IPO8: variants seen among roughly 807,000 people sequenced by gnomAD.
The protein encoded by IPO8 is importin 8, also known as importin-8.
Under a neutral mutation model 141.2 loss-of-function variants are expected in IPO8, and 65 were observed. The observed-to-expected ratio is 0.46, with a 90% CI of 0.38 to 0.57. The LOEUF is 0.57. Ranked by LOEUF, IPO8 falls within the 20% of genes least tolerant of loss-of-function variation. The pLI, the probability that IPO8 is intolerant of heterozygous loss-of-function variation, is 0.00. For synonymous variants in IPO8, 411 were observed against 420.3 expected, an observed-to-expected ratio of 0.98 and a Z score of 0.27; for missense variants, 980 against 1,246.8, an observed-to-expected ratio of 0.79 and a Z score of 3.22.
At chr12:30,664,128 A>G (rs2052927870) in intron 13 of IPO8, among the ~76,000 whole-genome samples, 1 of 152,190 alleles carries the variant, frequency 6.6e-6, no homozygotes. Flanking sequence ...CTATTAGACC[A>G]CAGAATCATT....
At chr12:30,669,678 G>GT (rs1369927698) in intron 9 of IPO8, among the ~76,000 whole-genome samples, 1 of 151,556 alleles carries the variant, frequency 6.6e-6, no homozygotes, top group Non-Finnish European at 1.5e-5. Flanking sequence ...ATCTTGGAGG[G>GT]TCTCTTGAGC....
Position 30,630,453 on chromosome 12 carries a change from T to G in IPO8, c.*407A>C, listed in dbSNP as rs950475635. The stretch of plus-strand genomic sequence containing the variant: ...ATATGTTTTATGCTTTAAAAAAAAT[T>G]GCAATGCACTCCAAAAATTTTTTTC... On this transcript the variant is annotated 3_prime_UTR_variant, in exon 25 of 25. Coordinates refer to ENST00000256079, the MANE Select transcript of IPO8 (RefSeq NM_006390.4). 5.4e-5 allele frequency: 9 copies of G among 165,166 alleles called. No homozygotes were observed. The highest frequency in any genetic ancestry group is 1.2e-4 in the Non-Finnish European group (9 of 77,308). The allele number at this position is 165,166 out of a possible 1,614,324, so 10.2% of individuals were successfully genotyped here.
At chr12:30,648,855 C>T (rs2052684730) in intron 20 of IPO8, among the ~76,000 whole-genome samples, 1 of 152,004 alleles carries the variant, frequency 6.6e-6, no homozygotes, top group Non-Finnish European at 1.5e-5. Flanking sequence ...CATGAAATCT[C>T]TGAGACTCCA....
At chr12:30,692,307 A>G (rs886971638) in intron 1 of IPO8, among the ~76,000 whole-genome samples, 1 of 152,230 alleles carries the variant, frequency 6.6e-6, no homozygotes, top group Non-Finnish European at 1.5e-5. Flanking sequence ...GCCATTGTAC[A>G]GATTTTGAAA....
chr12:30,635,136 T>C (rs1231269944), intron 22 of IPO8, among the ~76,000 whole-genome samples: 1 of 152,208 alleles, frequency 6.6e-6, no homozygotes. Flanking sequence ...AAGTAGAGAA[T>C]AGAATGGTGG....
At chr12:30,667,682 A>C (rs1168193442) in intron 10 of IPO8, among the ~76,000 whole-genome samples, 1 of 152,244 alleles carries the variant, frequency 6.6e-6, no homozygotes, top group Non-Finnish European at 1.5e-5. Context: ...GTCAGTCTTG[A>C]GTTACCCATA....
intron 5 of IPO8, among the ~76,000 whole-genome samples, chr12:30,677,720 A>C (rs1361234467): frequency 6.6e-6 from 1 of 152,236 alleles, no homozygotes; most frequent in African/African-American, 2.4e-5. Context: ...GTTTGAAAAA[A>C]AATAAAATTC....
At chr12:30,684,528 G>C (rs1283462266) in intron 2 of IPO8, 71 bp from the exon 3 acceptor site, 15 of 1,473,942 alleles carry the variant, frequency 1.0e-5, no homozygotes, top group Non-Finnish European at 1.4e-5. Flanking sequence ...TACAGAGCAT[G>C]AAAGTCCAAA....
intron 2 of IPO8, among the ~76,000 whole-genome samples, chr12:30,685,359 G>C (rs994598318): frequency 1.3e-5 from 2 of 151,616 alleles, no homozygotes; most frequent in Admixed American, 6.6e-5. Flanking sequence ...GGTTGGTCTC[G>C]AACACCTGAC....
chr12:30,662,437 G>A lies in IPO8; in HGVS notation c.1645C>T (p.His549Tyr), dbSNP rs920433061. The part of the protein sequence containing the change: ...HVRPIMQELL[H>Y]IVRETENDDV... ...TCATTTTCTGTCTCTCTAACAATGTGCAACAGTTCCTGCATAATAGGCCTC... is the reference window on the plus strand; with the variant it reads ...TCATTTTCTGTCTCTCTAACAATGTACAACAGTTCCTGCATAATAGGCCTC... The change falls in exon 15 of 25, where the codon CAC becomes TAC. Residue 549 changes from histidine (H) to tyrosine (Y), a missense_variant. By Grantham distance (83) the His-to-Tyr change is moderately conservative. Coordinates refer to ENST00000256079, the MANE Select transcript of IPO8 (RefSeq NM_006390.4). The A allele has an allele frequency of 1.9e-6, 3 of 1,612,752 alleles. No homozygotes were observed. In the South Asian group the frequency reaches 3.3e-5, roughly 18 times the overall value.
intron 19 of IPO8, among the ~76,000 whole-genome samples, chr12:30,651,479 G>A (rs985468656): frequency 3.9e-5 from 6 of 152,144 alleles, no homozygotes; most frequent in South Asian, 2.1e-4. Context: ...CCAGCTCTAC[G>A]GCCAAACGTT....
rs10658699 is a variant in IPO8 at position 30,644,435 on chromosome 12, A to AT, written c.2268+4701dup. Among the ~76,000 whole-genome samples, 1,409 of 150,862 alleles carry AT rather than the reference A, an allele frequency of 9.3e-3. 18 individuals are homozygous for AT. Among genetic ancestry groups the AT allele is most frequent in the African/African-American group, 0.033 (1,333 of 40,970 alleles). On this transcript the variant is annotated intron_variant, in intron 20 of 24. Transcript: ENST00000256079. ...TTTATGATTTTTTAGAAAGGTCATA[A>AT]TTTTTTTGTCACTAATACCCCAATA...
rs781342915 is a variant in IPO8, at chr12:30,684,291, C to A, written c.323+10G>T. ...CTTTCTAGTAATCACAAATATATAG[C>A]ACCACATACCTCACTAAATCTGGAG... On this transcript the variant is annotated intron_variant, in intron 3 of 24. Transcript: ENST00000256079. The A allele has an allele frequency of 9.3e-6, 15 of 1,612,204 alleles. No individual in the cohort carries two copies. In the East Asian group the frequency reaches 3.3e-4, roughly 36 times the overall value.
chr12:30,635,257 C>A (rs1411473140), intron 22 of IPO8, among the ~76,000 whole-genome samples: 1 of 151,832 alleles, frequency 6.6e-6, no homozygotes, highest in African/African-American at 2.4e-5. Context: ...ATCTATTGTA[C>A]AGCATGGTGA....
chr12:30,658,310 T>C (rs1490227747), intron 16 of IPO8, among the ~76,000 whole-genome samples: 1 of 152,240 alleles, frequency 6.6e-6, no homozygotes, highest in Non-Finnish European at 1.5e-5. Flanking sequence ...AATATTGTTT[T>C]CAAAGTTTGC....
rs371058516 is a variant in IPO8 at position 30,630,941 on chromosome 12, A to C, written c.3033T>G (p.Ile1011Met). The C allele has an allele frequency of 1.2e-6, 2 of 1,613,232 alleles. No homozygotes were observed. Among genetic ancestry groups the C allele is most frequent in the Non-Finnish European group, 1.7e-6 (2 of 1,179,896 alleles). The stretch of plus-strand genomic sequence containing the variant: ...CAAAGGTGAAGCCTCCCTGTTGTTC[A>C]ATCTTCTTCTTTGCCTCTAGCATTT... Reference protein sequence around the residue: ...RRTVAEAKKKIEQQGGFTFEN... With the variant: ...RRTVAEAKKKMEQQGGFTFEN... Residue 1011 changes from isoleucine to methionine, a missense_variant, in exon 25 of 25, where the codon ATT becomes ATG. Transcript: ENST00000256079.
In IPO8 at chr12:30,629,282, A is replaced by C. The variant is rs534067225; in HGVS notation, c.*1578T>G. The C allele has an allele frequency of 1.3e-5, 2 of 152,350 alleles. No homozygotes were observed. The highest frequency in any genetic ancestry group is 3.9e-4 in the East Asian group (2 of 5,186). 9.4% of individuals were successfully genotyped at this position (152,350 alleles called of 1,614,324 possible). On this transcript the variant is annotated 3_prime_UTR_variant, in exon 25 of 25. Coordinates refer to ENST00000256079, the MANE Select transcript of IPO8 (RefSeq NM_006390.4). The stretch of plus-strand genomic sequence containing the variant: ...TGGAACATGAGAATAAAGAGTTTGA[A>C]AGCTCTCTAAAATTTCTCCCAATGC...
chr12:30,677,040 G>A (rs1209569086), intron 5 of IPO8: 1 of 1,523,762 alleles, frequency 6.6e-7, no homozygotes, highest in Non-Finnish European at 8.8e-7. Flanking sequence ...CAGATATATG[G>A]CTCACCTCTG....
At chr12:30,651,629 T>C (rs1291530072) in intron 19 of IPO8, among the ~76,000 whole-genome samples, 1 of 152,046 alleles carries the variant, frequency 6.6e-6, no homozygotes, top group African/African-American at 2.4e-5. Flanking sequence ...AAAACCGTTA[T>C]TTAGCCAAAG....
Sources: gnomAD v4.1 joint callset for allele counts (sites outside exome capture counted in the v4.1 genomes callset) on GRCh38, gnomAD v4.1.1 for gene constraint, MANE v1.5 for transcripts, NCBI Gene and HGNC (gene_info 2026-07-23, HGNC 2026-07-21) for gene names.